Variants in ALDH1A2 observed in about 807,000 individuals in gnomAD.
The protein encoded by ALDH1A2 is retinal dehydrogenase 2.
In ALDH1A2, 27 loss-of-function variants were observed where a neutral mutation model predicts 60.3. The observed-to-expected ratio is 0.45, with a 90% CI of 0.33 to 0.62. The LOEUF is 0.62. Among genes scored for constraint, ALDH1A2 ranks in the 20% least tolerant of loss-of-function variants. The probability of loss-of-function intolerance (pLI) is 0.02; values close to 1 mark genes in which losing one functional copy is unlikely to be tolerated. For synonymous variants in ALDH1A2, 289 were observed against 232.4 expected (o/e 1.24, Z -2.21); for missense variants, 581 against 643.8 (o/e 0.90, Z 1.06).
intron 2 of ALDH1A2, 68 bp from the exon 3 acceptor site, chr15:58,014,066 TG>T: frequency 6.2e-7 from 1 of 1,613,930 alleles, no homozygotes; most frequent in Non-Finnish European, 8.5e-7. Flanking sequence ...TCCACTGTCA[TG>T]AAAAAAGTGA....
At chr15:57,966,192 C>A (rs1893892511) in intron 7 of ALDH1A2, among the ~76,000 whole-genome samples, 1 of 152,088 alleles carries the variant, frequency 6.6e-6, no homozygotes, top group South Asian at 2.1e-4. Flanking sequence ...CAGAAAAAAG[C>A]CAACTGGTGC....
At chr15:57,967,115 GCAGGCAGCGGA>G (rs1199201368) in intron 7 of ALDH1A2, among the ~76,000 whole-genome samples, 11 of 151,664 alleles carry the variant, frequency 7.3e-5, no homozygotes, top group Admixed American at 6.6e-4. Flanking sequence ...TAACGACTTC[GCAGGCAGCGGA>G]GAACCCCAGC....
At chr15:57,983,989 T>C (rs1244792120) in intron 7 of ALDH1A2, among the ~76,000 whole-genome samples, 3 of 152,246 alleles carry the variant, frequency 2.0e-5, no homozygotes, top group African/African-American at 4.8e-5. Flanking sequence ...GGAGTTACAA[T>C]GTGTCTATGA....
chr15:58,043,342 T>G (rs1395671823), intron 1 of ALDH1A2, among the ~76,000 whole-genome samples: 2 of 152,024 alleles, frequency 1.3e-5, no homozygotes, highest in Non-Finnish European at 2.9e-5. Flanking sequence ...TTGCCATCCC[T>G]TACAACCCTT....
intron 12 of ALDH1A2, among the ~76,000 whole-genome samples, chr15:57,957,249 C>G (rs1051943114): frequency 7.2e-5 from 11 of 152,190 alleles, no homozygotes; most frequent in African/African-American, 2.7e-4. Flanking sequence ...GGTGCCCAGT[C>G]ATCTCTCCAG....
intron 1 of ALDH1A2, among the ~76,000 whole-genome samples, chr15:58,051,131 A>G (rs1483782314): frequency 1.3e-5 from 2 of 152,140 alleles, no homozygotes; most frequent in South Asian, 2.1e-4. Flanking sequence ...CTCAGATCTT[A>G]GCAAATAATC....
chr15:57,991,880 C>A (rs531618592), intron 7 of ALDH1A2, among the ~76,000 whole-genome samples: 1 of 152,122 alleles, frequency 6.6e-6, no homozygotes, highest in South Asian at 2.1e-4. Flanking sequence ...TCAGACTTTC[C>A]TATCATCTGT....
intron 1 of ALDH1A2, among the ~76,000 whole-genome samples, chr15:58,027,698 C>T (rs577161371): frequency 5.9e-4 from 90 of 152,062 alleles, no homozygotes; most frequent in African/African-American, 2.0e-3. Context: ...GTAGAGAAGA[C>T]CTTAAATGAC....
intron 7 of ALDH1A2, among the ~76,000 whole-genome samples, chr15:57,975,281 C>G (rs913854409): frequency 5.3e-5 from 8 of 152,204 alleles, no homozygotes; most frequent in African/African-American, 1.9e-4. Flanking sequence ...TAGTCCCAAA[C>G]TGAAAACAAT....
At chr15:58,018,189 G>C (rs12903724) in intron 1 of ALDH1A2, among the ~76,000 whole-genome samples, 69,057 of 151,782 alleles carry the variant, frequency 0.45, 16,381 homozygotes, top group Non-Finnish European at 0.54. Context: ...TGGATAGGAA[G>C]ATAATAAAAA....
intron 9 of ALDH1A2, among the ~76,000 whole-genome samples, chr15:57,963,360 T>C (rs1414352971): frequency 1.3e-5 from 2 of 151,678 alleles, no homozygotes; most frequent in African/African-American, 4.8e-5. Flanking sequence ...TTTTTTTTTT[T>C]TTTGAGACGG....
intron 7 of ALDH1A2, among the ~76,000 whole-genome samples, chr15:57,985,910 T>C (rs1894685452): frequency 6.6e-6 from 1 of 152,204 alleles, no homozygotes; most frequent in African/African-American, 2.4e-5. Context: ...AAATATTCAA[T>C]ATTAATTAAT....
chr15:58,023,783 T>C (rs1895998512), intron 1 of ALDH1A2, among the ~76,000 whole-genome samples: 1 of 152,150 alleles, frequency 6.6e-6, no homozygotes, highest in Admixed American at 6.5e-5. Context: ...CCACTAGGAC[T>C]GACCCTACAA....
At chr15:57,977,172 T>C (rs1894288323) in intron 7 of ALDH1A2, among the ~76,000 whole-genome samples, 1 of 152,112 alleles carries the variant, frequency 6.6e-6, no homozygotes, top group African/African-American at 2.4e-5. Flanking sequence ...GATGAGTAGA[T>C]TGCAAAAACT....
intron 1 of ALDH1A2, among the ~76,000 whole-genome samples, chr15:58,014,686 G>A (rs1895739806): frequency 6.6e-6 from 1 of 152,158 alleles, no homozygotes; most frequent in South Asian, 2.1e-4. Context: ...TCTGCCACAG[G>A]CCTAAGTGAC....
chr15:57,980,661 G>A (rs1384291519), intron 7 of ALDH1A2: 2 of 191,008 alleles, frequency 1.0e-5, no homozygotes, highest in South Asian at 1.3e-4. Flanking sequence ...GGCAGGCTGC[G>A]GGATGGGGCC....
chr15:57,979,996 C>T, intron 7 of ALDH1A2: 1 of 332,456 alleles, frequency 3.0e-6, no homozygotes, highest in East Asian at 8.0e-5. Flanking sequence ...GCTCACCTGG[C>T]TGGCACAGTT....
chr15:57,984,347 AAATT>A (rs1370639160), intron 7 of ALDH1A2, among the ~76,000 whole-genome samples: 1 of 152,230 alleles, frequency 6.6e-6, no homozygotes, highest in Non-Finnish European at 1.5e-5. Flanking sequence ...ATACTTTGTA[AAATT>A]AATTGATTTT....
At chr15:58,014,117 C>T in intron 2 of ALDH1A2, 60 bp downstream of exon 2, 1 of 1,614,034 alleles carries the variant, frequency 6.2e-7, no homozygotes, top group Non-Finnish European at 8.5e-7. Flanking sequence ...CATATGTTTG[C>T]TGCTCTGCTG....
Sources: allele counts gnomAD v4.1 joint callset (sites outside exome capture counted in the v4.1 genomes callset), GRCh38; gene constraint gnomAD v4.1.1; transcripts MANE v1.5; gene names NCBI Gene and HGNC (gene_info 2026-07-23, HGNC 2026-07-21).